Variants in CAMK1D observed in about 807,000 individuals in gnomAD.
CAMK1D encodes the protein calcium/calmodulin dependent protein kinase ID.
In CAMK1D, 9 loss-of-function variants were observed where a neutral mutation model predicts 47.7. That is an observed-to-expected ratio of 0.19 (90% CI 0.11 to 0.33). CAMK1D has a LOEUF of 0.33. Ranked by LOEUF, CAMK1D falls within the 10% of genes least tolerant of loss-of-function variation. The pLI is 1.00. For missense variants in CAMK1D, 291 were observed against 488.7 expected (o/e 0.60, Z 3.81); for synonymous variants, 184 against 184.9 (o/e 0.99, Z 0.04).
intron 1 of CAMK1D, among the ~76,000 whole-genome samples, chr10:12,550,290 G>T (rs1214089563): frequency 1.3e-5 from 2 of 152,212 alleles, no homozygotes; most frequent in East Asian, 3.9e-4. Context: ...TGATTTATCT[G>T]GTATAAAACC....
chr10:12,400,558 T>A (rs114552747), intron 1 of CAMK1D, among the ~76,000 whole-genome samples: 137 of 152,274 alleles, frequency 9.0e-4, no homozygotes, highest in African/African-American at 3.1e-3. Flanking sequence ...TTAAACTTTT[T>A]TCTTAATAGC....
intron 1 of CAMK1D, among the ~76,000 whole-genome samples, chr10:12,432,616 A>C (rs545149010): frequency 2.0e-5 from 3 of 152,380 alleles, no homozygotes; most frequent in South Asian, 2.1e-4. Context: ...GAATGAGTGA[A>C]TAGATGAGTT....
rs371362652 is a variant in CAMK1D, at chr10:12,828,853, C to T, written c.1124C>T (p.Thr375Ile). The T allele has an allele frequency of 1.9e-6, 3 of 1,613,470 alleles. No individual in the cohort carries two copies. In the African/African-American group the frequency reaches 4.0e-5, roughly 22 times the overall value. Residue 375 changes from threonine to isoleucine, a missense_variant, in exon 11 of 11, where the codon ACC becomes ATC. Around this residue, in one of 2 missense-constraint regions of CAMK1D, gnomAD observed 72 missense variants for 64.4 expected, o/e 1.12. Transcript: ENST00000619168. The stretch of plus-strand genomic sequence containing the variant: ...GGAGCCGAGCGGAGACCCAGGCCCA[C>T]CACTGTGACGGCAGTGCACTCTGGA... ...GVGAERRPRP[T>I]TVTAVHSGSK
chr10:12,795,399 G>T (rs890687324), intron 6 of CAMK1D, among the ~76,000 whole-genome samples: 1 of 152,104 alleles, frequency 6.6e-6, no homozygotes, highest in Non-Finnish European at 1.5e-5. Flanking sequence ...ACCGTGCCTG[G>T]TCTCCCATTC....
At chr10:12,480,939 CCT>C (rs1244529052) in intron 1 of CAMK1D, among the ~76,000 whole-genome samples, 1 of 152,172 alleles carries the variant, frequency 6.6e-6, no homozygotes, top group Non-Finnish European at 1.5e-5. Context: ...GCCATCTTGC[CCT>C]TAACCTCCAA....
At chr10:12,679,463 C>T (rs1840919298) in intron 3 of CAMK1D, among the ~76,000 whole-genome samples, 1 of 152,124 alleles carries the variant, frequency 6.6e-6, no homozygotes, top group Admixed American at 6.5e-5. Flanking sequence ...TTCTGACTCC[C>T]TAGTAGATAA....
chr10:12,492,212 G>T (rs1834406928), intron 1 of CAMK1D, among the ~76,000 whole-genome samples: 2 of 152,060 alleles, frequency 1.3e-5, no homozygotes, highest in Non-Finnish European at 1.5e-5. Context: ...TCCACTCTCG[G>T]GCTGCCCTTC....
chr10:12,512,649 T>G (rs1413821705), intron 1 of CAMK1D, among the ~76,000 whole-genome samples: 1 of 152,244 alleles, frequency 6.6e-6, no homozygotes, highest in African/African-American at 2.4e-5. Flanking sequence ...CATCGTTTTC[T>G]GATTTCCAGG....
rs1055050800 is a variant in CAMK1D, at chr10:12,585,489, C to T, written c.224+32133C>T. Among the ~76,000 whole-genome samples, 10 of 152,094 alleles carry T rather than the reference C, an allele frequency of 6.6e-5. 1 individual carries two copies. The highest frequency in any genetic ancestry group is 4.1e-4 in the South Asian group (2 of 4,826). On this transcript the variant is annotated intron_variant, in intron 2 of 10. Transcript: ENST00000619168. ...TTCACGCTGCTGATAAAGATATACT[C>T]GAGACTGGATAATTTATAAAGAAAA...
chr10:12,610,083 G>A (rs905181865), intron 2 of CAMK1D, among the ~76,000 whole-genome samples: 18 of 152,186 alleles, frequency 1.2e-4, no homozygotes, highest in Admixed American at 2.6e-4. Flanking sequence ...GTCCTGATCT[G>A]TAGCTTTTAC....
At chr10:12,620,225 T>C (rs1024387626) in intron 2 of CAMK1D, among the ~76,000 whole-genome samples, 3 of 126,396 alleles carry the variant, frequency 2.4e-5, no homozygotes, top group African/African-American at 5.6e-5. Flanking sequence ...AAAATAAAGC[T>C]GCTATAAACG....
At chr10:12,365,857 A>G in intron 1 of CAMK1D, among the ~76,000 whole-genome samples, 1 of 152,144 alleles carries the variant, frequency 6.6e-6, no homozygotes, top group East Asian at 1.9e-4. Flanking sequence ...GTTCGAGACC[A>G]GTCTGGCCAA....
chr10:12,672,623 A>C (rs1311741006), intron 3 of CAMK1D, among the ~76,000 whole-genome samples: 1 of 151,428 alleles, frequency 6.6e-6, no homozygotes, highest in Non-Finnish European at 1.5e-5. Context: ...CACCCACCTC[A>C]GCCTCCCAAG....
At chr10:12,514,636 G>A (rs1835135875) in intron 1 of CAMK1D, among the ~76,000 whole-genome samples, 1 of 152,198 alleles carries the variant, frequency 6.6e-6, no homozygotes, top group Non-Finnish European at 1.5e-5. Flanking sequence ...TTATGTTTTA[G>A]TAACAACTTA....
chr10:12,355,515 GAA>G (rs952947876), intron 1 of CAMK1D, among the ~76,000 whole-genome samples: 47 of 151,884 alleles, frequency 3.1e-4, no homozygotes, highest in African/African-American at 1.0e-3. Flanking sequence ...GTGGGGGAGA[GAA>G]TGCACAAACA....
At chr10:12,685,159 G>T (rs1419444065) in intron 3 of CAMK1D, among the ~76,000 whole-genome samples, 1 of 152,218 alleles carries the variant, frequency 6.6e-6, no homozygotes, top group Non-Finnish European at 1.5e-5. Context: ...AAATTAGCCA[G>T]GCGTGGTGGT....
At chr10:12,716,850 C>T (rs1401585253) in intron 3 of CAMK1D, among the ~76,000 whole-genome samples, 1 of 152,148 alleles carries the variant, frequency 6.6e-6, no homozygotes, top group Non-Finnish European at 1.5e-5. Flanking sequence ...GGTACCATCA[C>T]CCGCGGCCTG....
rs565812112 is a variant in CAMK1D, at chr10:12,651,136, C to A, written c.225-15600C>A. Among the ~76,000 whole-genome samples, 84 of 152,292 alleles carry A rather than the reference C, an allele frequency of 5.5e-4. No homozygotes were observed. In the Middle Eastern group the frequency reaches 0.014, roughly 25 times the overall value. On this transcript the variant is annotated intron_variant, in intron 2 of 10. Coordinates refer to ENST00000619168, the MANE Select transcript of CAMK1D (RefSeq NM_153498.4). ...ACCCCTCCACTGTTTTCAGCGTCCT[C>A]CCCCTGAGACAAATCATTCTGCCAG...
chr10:12,436,224 G>T (rs1297314958), intron 1 of CAMK1D, among the ~76,000 whole-genome samples: 1 of 152,208 alleles, frequency 6.6e-6, no homozygotes, highest in Non-Finnish European at 1.5e-5. Flanking sequence ...GGCTTCACAT[G>T]TGTGCCCAGG....
Sources: gnomAD v4.1 joint callset for allele counts (sites outside exome capture counted in the v4.1 genomes callset) on GRCh38, gnomAD v4.1.1 for gene constraint, gnomAD v4.1.1 regional missense constraint, MANE v1.5 for transcripts, NCBI Gene and HGNC (gene_info 2026-07-23, HGNC 2026-07-21) for gene names.